Variants in MALRD1 observed in about 807,000 individuals in gnomAD.
MALRD1 encodes MAM and LDL receptor class A domain containing 1, also known as MAM and LDL-receptor class A domain-containing protein 1.
A neutral mutation model predicts 242.1 loss-of-function variants in MALRD1; 247 were observed. That is an observed-to-expected ratio of 1.02 (90% CI 0.92 to 1.13). MALRD1 has a LOEUF of 1.13. Ranked by LOEUF, MALRD1 falls within the 50% of genes most tolerant of loss-of-function variation. MALRD1 has a pLI of 0.00. For synonymous variants in MALRD1, 995 were observed against 866.6 expected (o/e 1.15, Z -2.60); for missense variants, 2,989 against 2,533.1 (o/e 1.18, Z -3.86).
intron 36 of MALRD1, among the ~76,000 whole-genome samples, chr10:19,632,456 T>C (rs916245380): frequency 2.6e-5 from 4 of 152,118 alleles, no homozygotes; most frequent in Non-Finnish European, 5.9e-5. Flanking sequence ...TGAGCCAGCA[T>C]AGTGATGCTG....
At chr10:19,107,618 C>A (rs1349152451) in intron 5 of MALRD1, among the ~76,000 whole-genome samples, 1 of 149,150 alleles carries the variant, frequency 6.7e-6, no homozygotes, top group African/African-American at 2.5e-5. Context: ...AAAATTTAAT[C>A]CATTTACATT....
At chr10:19,416,628 G>A (rs894763986) in intron 28 of MALRD1, among the ~76,000 whole-genome samples, 2 of 151,874 alleles carry the variant, frequency 1.3e-5, no homozygotes, top group African/African-American at 4.8e-5. Flanking sequence ...ATCTCATACA[G>A]TACCTCTCTA....
At chr10:19,602,670 C>T (rs1476140996) in intron 34 of MALRD1, among the ~76,000 whole-genome samples, 2 of 152,030 alleles carry the variant, frequency 1.3e-5, no homozygotes, top group Non-Finnish European at 2.9e-5. Context: ...GTGCTTGTGT[C>T]TCTATAGCAG....
At chr10:19,434,195 T>C (rs1463080790) in intron 28 of MALRD1, among the ~76,000 whole-genome samples, 1 of 152,196 alleles carries the variant, frequency 6.6e-6, no homozygotes, top group African/African-American at 2.4e-5. Flanking sequence ...AGAACACTAT[T>C]CTAGCAAAGA....
At chr10:19,577,926 A>G (rs1303559086) in intron 33 of MALRD1, among the ~76,000 whole-genome samples, 3 of 152,104 alleles carry the variant, frequency 2.0e-5, no homozygotes, top group African/African-American at 7.2e-5. Context: ...CAAGTATGTC[A>G]GAGAGGTTCT....
At chr10:19,274,560 A>G (rs537532076) in intron 19 of MALRD1, among the ~76,000 whole-genome samples, 37 of 152,268 alleles carry the variant, frequency 2.4e-4, no homozygotes, top group African/African-American at 8.7e-4. Flanking sequence ...TGGGCCAGAC[A>G]CCACTTCTGC....
Position 19,585,871 on chromosome 10 carries a change from C to T in MALRD1, c.5681-9323C>T, listed in dbSNP as rs573332203. On this transcript the variant is annotated intron_variant, in intron 33 of 39. Transcript: ENST00000454679. ...GTCACTTTCAGGTACACCAATCAGA[C>T]GTAGATTTGGTCTTTTCACATAGTC... Among the ~76,000 whole-genome samples the T allele has an allele frequency of 9.2e-5, 14 of 152,280 alleles. No homozygotes were observed. In the East Asian group the frequency reaches 1.2e-3, roughly 13 times the overall value.
intron 36 of MALRD1, among the ~76,000 whole-genome samples, chr10:19,671,957 A>C (rs995600558): frequency 1.3e-5 from 2 of 151,500 alleles, no homozygotes; most frequent in Non-Finnish European, 2.9e-5. Context: ...TCTTTTTTCC[A>C]ATTTTTCTCT....
chr10:19,373,613 C>G (rs1181378100), intron 26 of MALRD1, among the ~76,000 whole-genome samples: 1 of 151,974 alleles, frequency 6.6e-6, no homozygotes, highest in African/African-American at 2.4e-5. Flanking sequence ...ACATAAAATA[C>G]TAGAGAAAAC....
At chr10:19,616,607 T>C (rs1399331541) in intron 36 of MALRD1, among the ~76,000 whole-genome samples, 1 of 152,010 alleles carries the variant, frequency 6.6e-6, no homozygotes, top group Non-Finnish European at 1.5e-5. Flanking sequence ...CCAATGGATA[T>C]ATCACTTTCC....
intron 31 of MALRD1, among the ~76,000 whole-genome samples, chr10:19,499,927 A>G (rs1287978845): frequency 2.6e-5 from 4 of 152,174 alleles, no homozygotes; most frequent in African/African-American, 7.2e-5. Context: ...TGATTTGCGT[A>G]TGTCGAACCA....
intron 36 of MALRD1, among the ~76,000 whole-genome samples, chr10:19,664,133 T>C (rs1841567515): frequency 6.6e-6 from 1 of 151,032 alleles, no homozygotes. Flanking sequence ...TTTCCAGGGT[T>C]TTTTTTTTCT....
At chr10:19,496,016 C>G (rs189749528) in intron 30 of MALRD1, among the ~76,000 whole-genome samples, 283 of 152,216 alleles carry the variant, frequency 1.9e-3, no homozygotes, top group Non-Finnish European at 3.4e-3. Flanking sequence ...AACAAGAAGA[C>G]CTAACTATCC....
In MALRD1 at chr10:19,049,348, T is replaced by G. The variant is rs571718073; in HGVS notation, c.199+211T>G. 2.6e-5 allele frequency among the ~76,000 whole-genome samples: 4 copies of G among 152,200 alleles called. No homozygotes were observed. In the South Asian group the frequency reaches 6.2e-4, roughly 24 times the overall value. On this transcript the variant is annotated intron_variant, in intron 1 of 39. Transcript: ENST00000454679. ...TCAAATCATGAAGATATTCACCTGA[T>G]GGAATATATTTTTCAGTCAGTTTTT...
chr10:19,246,840 G>C (rs1168858280), intron 18 of MALRD1, among the ~76,000 whole-genome samples: 1 of 152,094 alleles, frequency 6.6e-6, no homozygotes, highest in Non-Finnish European at 1.5e-5. Flanking sequence ...TATGATGCTT[G>C]ATGAGTTTGG....
At chr10:19,395,274 G>A (rs1347417160) in intron 28 of MALRD1, among the ~76,000 whole-genome samples, 2 of 152,138 alleles carry the variant, frequency 1.3e-5, no homozygotes, top group East Asian at 3.9e-4. Flanking sequence ...TCCAGAGGTC[G>A]TGATGACATG....
intron 33 of MALRD1, among the ~76,000 whole-genome samples, chr10:19,590,739 T>C (rs551618742): frequency 8.5e-5 from 13 of 152,194 alleles, no homozygotes; most frequent in Admixed American, 7.9e-4. Context: ...GTGGATACTT[T>C]ATATTCTACA....
At chr10:19,273,472 C>G (rs746857539) in intron 19 of MALRD1, among the ~76,000 whole-genome samples, 1 of 152,114 alleles carries the variant, frequency 6.6e-6, no homozygotes, top group East Asian at 1.9e-4. Context: ...ATTGCTAAAA[C>G]TTGGAAGCAA....
At chr10:19,182,929 T>C (rs561165331) in intron 14 of MALRD1, among the ~76,000 whole-genome samples, 1 of 152,292 alleles carries the variant, frequency 6.6e-6, no homozygotes, top group African/African-American at 2.4e-5. Flanking sequence ...CACAGTACAT[T>C]TTATAATCTG....
Sources: gnomAD v4.1 joint callset for allele counts (sites outside exome capture counted in the v4.1 genomes callset) on GRCh38, gnomAD v4.1.1 for gene constraint, MANE v1.5 for transcripts, NCBI Gene and HGNC (gene_info 2026-07-23, HGNC 2026-07-21) for gene names.